PTPRT: variants seen among roughly 807,000 people sequenced by gnomAD.
PTPRT encodes the protein receptor-type tyrosine-protein phosphatase T.
Under a neutral mutation model 176.8 loss-of-function variants are expected in PTPRT, and 56 were observed. The observed-to-expected ratio is 0.32, with a 90% confidence interval of 0.26 to 0.40. The LOEUF is 0.40. PTPRT is among the 10% of genes least tolerant of loss of function. The probability of loss-of-function intolerance (pLI) is 1.00; values close to 1 mark genes in which losing one functional copy is unlikely to be tolerated. For synonymous variants in PTPRT, 783 were observed against 739.0 expected (o/e 1.06, Z -0.96); for missense variants, 1,540 against 1,908.2 (o/e 0.81, Z 3.60).
chr20:42,671,193 G>A (rs528935283), intron 7 of PTPRT, among the ~76,000 whole-genome samples: 1 of 152,268 alleles, frequency 6.6e-6, no homozygotes, highest in Admixed American at 6.5e-5. Context: ...AATAGTTAAT[G>A]CTAGCAGCCT....
chr20:42,460,395 A>C (rs1039575564), intron 8 of PTPRT, among the ~76,000 whole-genome samples: 9 of 152,180 alleles, frequency 5.9e-5, no homozygotes, highest in Non-Finnish European at 1.2e-4. Context: ...TCCTGCTACA[A>C]TGGTGGCATC....
intron 11 of PTPRT, among the ~76,000 whole-genome samples, chr20:42,344,740 A>G (rs1342404202): frequency 6.6e-6 from 1 of 152,140 alleles, no homozygotes; most frequent in African/African-American, 2.4e-5. Flanking sequence ...CCAATGTTCC[A>G]CACTCCCTTC....
intron 1 of PTPRT, among the ~76,000 whole-genome samples, chr20:43,132,473 A>C (rs191467332): frequency 6.6e-6 from 1 of 152,342 alleles, no homozygotes; most frequent in Admixed American, 6.5e-5. Context: ...GAATTCAGTG[A>C]ATATGTTGTT....
chr20:42,932,529 G>A (rs945462515), intron 1 of PTPRT, among the ~76,000 whole-genome samples: 9 of 152,216 alleles, frequency 5.9e-5, no homozygotes, highest in Admixed American at 2.6e-4. Context: ...GAAAGGAAGA[G>A]AGCCTTGTGT....
At chr20:42,166,183 C>T (rs1003045031) in intron 16 of PTPRT, among the ~76,000 whole-genome samples, 8 of 152,112 alleles carry the variant, frequency 5.3e-5, no homozygotes, top group Non-Finnish European at 1.0e-4. Context: ...AGAGCCAGAT[C>T]AAGTTCTAAA....
At chr20:42,637,000 T>G (rs935240722) in intron 7 of PTPRT, among the ~76,000 whole-genome samples, 2 of 152,016 alleles carry the variant, frequency 1.3e-5, no homozygotes, top group Admixed American at 6.6e-5. Context: ...TGCCTCTGAC[T>G]CTGGAGGGAT....
At chr20:42,059,607 G>A in the PTPRT span, among the ~76,000 whole-genome samples, 1 of 152,264 alleles carries the variant, frequency 6.6e-6, no homozygotes, top group East Asian at 1.9e-4. Flanking sequence ...GAGAAGATGA[G>A]AAAAATGACA....
chr20:42,465,638 T>A (rs893841604), intron 8 of PTPRT, among the ~76,000 whole-genome samples: 6 of 152,138 alleles, frequency 3.9e-5, no homozygotes, highest in Non-Finnish European at 7.4e-5. Context: ...AAAAGAACTC[T>A]AAGAAAGATC....
At chr20:42,070,684 A>T (rs1982285262), downstream of PTPRT, among the ~76,000 whole-genome samples, 2 of 152,176 alleles carry the variant, frequency 1.3e-5, no homozygotes, top group Admixed American at 1.3e-4. Flanking sequence ...CTTACGTAGA[A>T]TATGTTTATG....
At chr20:43,056,140 C>A (rs1987224799) in intron 1 of PTPRT, among the ~76,000 whole-genome samples, 1 of 152,124 alleles carries the variant, frequency 6.6e-6, no homozygotes, top group Non-Finnish European at 1.5e-5. Flanking sequence ...ATTCATTATA[C>A]TACCATGGAT....
chr20:42,706,314 C>T (rs959745987), intron 6 of PTPRT, among the ~76,000 whole-genome samples: 3 of 151,950 alleles, frequency 2.0e-5, no homozygotes, highest in African/African-American at 4.8e-5. Context: ...GGACTTCCCA[C>T]CATAGCTTCT....
intron 9 of PTPRT, among the ~76,000 whole-genome samples, chr20:42,372,782 C>T (rs537131024): frequency 6.6e-6 from 1 of 152,256 alleles, no homozygotes; most frequent in Admixed American, 6.5e-5. Flanking sequence ...AGACACCTTT[C>T]CTTTTTCACC....
chr20:42,109,962 TA>T (rs1440137862), intron 23 of PTPRT, among the ~76,000 whole-genome samples: 1 of 151,884 alleles, frequency 6.6e-6, no homozygotes, highest in Non-Finnish European at 1.5e-5. Flanking sequence ...GAGGAGTCTC[TA>T]AGAGTAAAGC....
intron 15 of PTPRT, among the ~76,000 whole-genome samples, chr20:42,234,558 C>T (rs1158238434): frequency 2.0e-5 from 3 of 152,188 alleles, no homozygotes; most frequent in Non-Finnish European, 4.4e-5. Flanking sequence ...CCCTGCCACA[C>T]AAAAAATTCA....
At chr20:42,638,412 C>T (rs892093231) in intron 7 of PTPRT, among the ~76,000 whole-genome samples, 11 of 152,058 alleles carry the variant, frequency 7.2e-5, no homozygotes, top group African/African-American at 2.7e-4. Flanking sequence ...ACTCACCCTT[C>T]GCTCCTGCTC....
intron 6 of PTPRT, 123 bp downstream of exon 6, chr20:42,756,339 G>A (rs2076831933): frequency 2.8e-6 from 3 of 1,068,058 alleles, no homozygotes; most frequent in African/African-American, 3.2e-5. Flanking sequence ...AGGCCAGAGT[G>A]ACTAGAAATT....
chr20:42,350,361 C>T (rs547221523), intron 11 of PTPRT, among the ~76,000 whole-genome samples: 7 of 151,694 alleles, frequency 4.6e-5, no homozygotes, highest in Admixed American at 2.0e-4. Flanking sequence ...CTCGAGTAGC[C>T]GGTACTACAG....
chr20:42,206,515 G>A (rs1274625275), intron 15 of PTPRT, among the ~76,000 whole-genome samples: 1 of 152,234 alleles, frequency 6.6e-6, no homozygotes, highest in Non-Finnish European at 1.5e-5. Flanking sequence ...CAAAGAAAGG[G>A]GTGACGGACG....
At position 42,649,707 on chromosome 20, in the gene PTPRT, C is replaced by T. The variant is rs577102456; in HGVS notation, c.1153+28159G>A. ...GAGCCCCTAAGTTATGCTTGATTTA[C>T]TGCAAAAAGTGTTTGCTGGTTGAGA... On this transcript the variant is annotated intron_variant, in intron 7 of 30. Coordinates refer to ENST00000373187, the MANE Select transcript of PTPRT (RefSeq NM_007050.6). 3.9e-5 allele frequency among the ~76,000 whole-genome samples: 6 copies of T among 152,268 alleles called. No homozygotes were observed. In the South Asian group the frequency reaches 1.2e-3, roughly 32 times the overall value.
Sources: gnomAD v4.1 joint callset for allele counts (sites outside exome capture counted in the v4.1 genomes callset) on GRCh38, gnomAD v4.1.1 for gene constraint, MANE v1.5 for transcripts, NCBI Gene and HGNC (gene_info 2026-07-23, HGNC 2026-07-21) for gene names.